The following BLOC1S5 variants were observed in gnomAD, a reference collection of about 807,000 sequenced individuals.
BLOC1S5 encodes the protein biogenesis of lysosome-related organelles complex 1 subunit 5.
In BLOC1S5, 27 loss-of-function variants were observed where a neutral mutation model predicts 24.3. The observed-to-expected ratio is 1.11, with a 90% CI of 0.82 to 1.53. The LOEUF (loss-of-function observed/expected upper bound fraction) is 1.53. BLOC1S5 is among the 40% of genes most tolerant of loss of function. The pLI, the probability that BLOC1S5 is intolerant of heterozygous loss-of-function variation, is 0.00. For synonymous variants in BLOC1S5, 84 were observed against 74.5 expected (o/e 1.13, Z -0.66); for missense variants, 239 against 229.4 (o/e 1.04, Z -0.27).
At chr6:8,040,918 C>T (rs962868101) in intron 3 of BLOC1S5, among the ~76,000 whole-genome samples, 1 of 151,906 alleles carries the variant, frequency 6.6e-6, no homozygotes, top group African/African-American at 2.4e-5. Flanking sequence ...ACATACTAAA[C>T]AGATTGTCTC....
chr6:8,015,780 A>C lies in BLOC1S5; in HGVS notation c.433T>G (p.Trp145Gly). 1.2e-6 allele frequency: 2 copies of C among 1,614,088 alleles called. No homozygotes were observed. Among genetic ancestry groups the C allele is most frequent in the Non-Finnish European group, 1.7e-6 (2 of 1,180,010 alleles). Reference protein sequence around the residue: ...VASEKQHMLQWDNFMKEQPNK... With the variant: ...VASEKQHMLQGDNFMKEQPNK... Reference sequence around the variant, plus strand: ...GGTTGCTCCTTCATGAAGTTGTCCCACTGGAGCATATGCTGTTTCTCACTA... The same window carrying C: ...GGTTGCTCCTTCATGAAGTTGTCCCCCTGGAGCATATGCTGTTTCTCACTA... Residue 145 changes from tryptophan to glycine, a missense_variant, in exon 5 of 5, where the codon TGG becomes GGG. By Grantham distance (184) the Trp-to-Gly change is radical. Transcript: ENST00000397457.
Position 8,024,902 on chromosome 6 carries a change from T to C in BLOC1S5, c.384+1465A>G, listed in dbSNP as rs531333222. Among the ~76,000 whole-genome samples the C allele has an allele frequency of 5.9e-5, 9 of 152,360 alleles. No homozygotes were observed. In the South Asian group the frequency reaches 8.3e-4, roughly 14 times the overall value. The stretch of plus-strand genomic sequence containing the variant: ...GCTCAAGGATTTGTCCAAGGGCTTA[T>C]AGCTAGCTAGTACAGGGAAGCAACA... On this transcript the variant is annotated intron_variant, in intron 4 of 4. Transcript: ENST00000397457.
chr6:8,039,217 C>T (rs1327986379), intron 3 of BLOC1S5, among the ~76,000 whole-genome samples: 5 of 152,094 alleles, frequency 3.3e-5, no homozygotes, highest in East Asian at 3.9e-4. Context: ...TGCTCTCACT[C>T]GTATGTGAGA....
chr6:8,013,731 C>T lies in BLOC1S5; in HGVS notation c.*1918G>A, dbSNP rs1762651303. ...TGATGTGTTGGCAATTAATCGCATT[C>T]CAAAAAGTGTCTACGGTACAAAGGG... On this transcript the variant is annotated 3_prime_UTR_variant, in exon 5 of 5. Transcript: ENST00000397457. 6.6e-6 allele frequency: 1 copy of T among 152,194 alleles called. No individual in the cohort carries two copies. The highest frequency in any genetic ancestry group is 2.4e-5 in the African/African-American group (1 of 41,450). 9.4% of individuals were successfully genotyped at this position (152,194 alleles called of 1,614,324 possible).
At chr6:8,049,874 C>A (rs1168796394) in intron 2 of BLOC1S5, among the ~76,000 whole-genome samples, 1 of 151,912 alleles carries the variant, frequency 6.6e-6, no homozygotes, top group African/African-American at 2.4e-5. Context: ...CTATGCCCGA[C>A]CAATTTTTGT....
intron 3 of BLOC1S5, chr6:8,027,458 G>A (rs569990706): frequency 6.6e-6 from 3 of 456,674 alleles, no homozygotes; most frequent in Middle Eastern, 3.3e-4. Flanking sequence ...AAATTTAAAT[G>A]AGAACACAGT....
At position 8,057,609 on chromosome 6, in the gene BLOC1S5, G is replaced by C. The variant is rs138533895; in HGVS notation, c.195+4925C>G. On this transcript the variant is annotated intron_variant, in intron 2 of 4. Transcript: ENST00000397457. ...TACTTCTCATGTGTTATATGGAACA[G>C]ACACTCTGATAAAATGATGTTTTAA... 1.2e-4 allele frequency among the ~76,000 whole-genome samples: 19 copies of C among 152,292 alleles called. No homozygotes were observed. The East Asian group carries it at 3.5e-3, about 28-fold the overall frequency.
At chr6:8,045,849 A>G (rs1258748725) in intron 2 of BLOC1S5, among the ~76,000 whole-genome samples, 1 of 152,118 alleles carries the variant, frequency 6.6e-6, no homozygotes, top group Non-Finnish European at 1.5e-5. Context: ...CTCGCTTTTG[A>G]TTTTGCAGGC....
chr6:8,055,499 T>C (rs1324457012), intron 2 of BLOC1S5, among the ~76,000 whole-genome samples: 2 of 152,220 alleles, frequency 1.3e-5, no homozygotes, highest in Non-Finnish European at 2.9e-5. Context: ...TCTTTCTTAT[T>C]TCCTCGAGGA....
At chr6:8,055,132 T>C (rs1250862053) in intron 2 of BLOC1S5, among the ~76,000 whole-genome samples, 1 of 152,250 alleles carries the variant, frequency 6.6e-6, no homozygotes, top group Non-Finnish European at 1.5e-5. Context: ...CCAGAGCTCA[T>C]GTTAAAATAC....
rs769771280 is a variant in BLOC1S5, at chr6:8,041,344, G to T, written c.196-76C>A. 4.6e-6 allele frequency: 6 copies of T among 1,297,634 alleles called. No homozygotes were observed. The East Asian group carries it at 1.1e-4, about 23-fold the overall frequency. 80.4% of individuals were successfully genotyped at this position (1,297,634 alleles called of 1,614,324 possible). On this transcript the variant is annotated intron_variant, in intron 2 of 4. Transcript: ENST00000397457. ...TTTTTTTTTTTTGAAATGGAGTCTC[G>T]CTCTGTCGCCCAGACTGGAGTGCGG...
chr6:8,056,971 C>T, intron 2 of BLOC1S5, among the ~76,000 whole-genome samples: 1 of 152,152 alleles, frequency 6.6e-6, no homozygotes, highest in East Asian at 1.9e-4. Flanking sequence ...AATCCCAGCA[C>T]TTTGGGAGGC....
chr6:8,037,739 T>G (rs1028246253), intron 3 of BLOC1S5, among the ~76,000 whole-genome samples: 4 of 152,132 alleles, frequency 2.6e-5, no homozygotes, highest in African/African-American at 9.7e-5. Flanking sequence ...AATACAAAGC[T>G]ATAGTAACCA....
intron 2 of BLOC1S5, among the ~76,000 whole-genome samples, chr6:8,062,245 T>C (rs1195092605): frequency 6.6e-6 from 1 of 152,146 alleles, no homozygotes; most frequent in Non-Finnish European, 1.5e-5. Context: ...CATCAATCTC[T>C]AAAATCCCTT....
In BLOC1S5 at chr6:8,015,844, T is replaced by C; in HGVS notation, c.385-16A>G. The C allele has an allele frequency of 6.3e-7, 1 of 1,589,580 alleles. No homozygotes were observed. The highest frequency in any genetic ancestry group is 8.5e-7 in the Non-Finnish European group (1 of 1,169,798). ...CACTATGAATCTGAGAAAAGAAAAT[T>C]AGAAAGTCACACGACATTTTCCAGA... On this transcript the variant is annotated splice_polypyrimidine_tract_variant and intron_variant, in intron 4 of 4. Coordinates refer to ENST00000397457, the MANE Select transcript of BLOC1S5 (RefSeq NM_201280.3).
At chr6:8,046,772 T>C (rs914130461) in intron 2 of BLOC1S5, among the ~76,000 whole-genome samples, 13 of 152,102 alleles carry the variant, frequency 8.5e-5, no homozygotes, top group Admixed American at 3.9e-4. Flanking sequence ...TTTTTTTTGT[T>C]TGCTGTTGTA....
At chr6:8,032,049 A>G (rs991358609) in intron 3 of BLOC1S5, among the ~76,000 whole-genome samples, 2 of 152,224 alleles carry the variant, frequency 1.3e-5, no homozygotes, top group African/African-American at 4.8e-5. Context: ...CCTTCTAGAC[A>G]TTGGCTCGAG....
At chr6:8,022,117 C>A (rs1762933548) in intron 4 of BLOC1S5, among the ~76,000 whole-genome samples, 1 of 151,832 alleles carries the variant, frequency 6.6e-6, no homozygotes, top group Non-Finnish European at 1.5e-5. Context: ...AATAAAACCA[C>A]ACTTCTGCAG....
intron 4 of BLOC1S5, among the ~76,000 whole-genome samples, chr6:8,023,061 A>G (rs2113521373): frequency 1.3e-5 from 2 of 152,298 alleles, no homozygotes; most frequent in South Asian, 4.1e-4. Flanking sequence ...AGTTGACACC[A>G]CCTGTGCATG....
Sources: allele counts gnomAD v4.1 joint callset (sites outside exome capture counted in the v4.1 genomes callset), GRCh38; gene constraint gnomAD v4.1.1; transcripts MANE v1.5; gene names NCBI Gene and HGNC (gene_info 2026-07-23, HGNC 2026-07-21).